SUSD4: variants seen among roughly 807,000 people sequenced by gnomAD.
The protein encoded by SUSD4 is sushi domain-containing protein 4.
A neutral mutation model predicts 50.5 loss-of-function variants in SUSD4; 41 were observed. That is an observed-to-expected ratio of 0.81 (90% CI 0.63 to 1.05). SUSD4 has a LOEUF of 1.05. Ranked by LOEUF, SUSD4 falls within the 50% of genes least tolerant of loss-of-function variation. The pLI, the probability that SUSD4 is intolerant of heterozygous loss-of-function variation, is 0.00. For synonymous variants in SUSD4, 257 were observed against 257.3 expected (o/e 1.00, Z 0.01); for missense variants, 580 against 634.7 (o/e 0.91, Z 0.93).
intron 2 of SUSD4, among the ~76,000 whole-genome samples, chr1:223,323,933 G>T (rs1666732347): frequency 6.6e-6 from 1 of 151,776 alleles, no homozygotes; most frequent in Non-Finnish European, 1.5e-5. Context: ...TAAAAAAAAA[G>T]AGACCTTAAC....
At chr1:223,282,527 T>C (rs1361453747) in intron 3 of SUSD4, among the ~76,000 whole-genome samples, 2 of 152,114 alleles carry the variant, frequency 1.3e-5, no homozygotes, top group Non-Finnish European at 2.9e-5. Context: ...GAATCCAACT[T>C]ACAAGGGATG....
chr1:223,353,053 A>T (rs1668454044), intron 2 of SUSD4, among the ~76,000 whole-genome samples: 2 of 152,168 alleles, frequency 1.3e-5, no homozygotes, highest in Admixed American at 6.5e-5. Flanking sequence ...ACACAAAAGG[A>T]GCTGACCGGG....
At position 223,363,753 on chromosome 1, in the gene SUSD4, G is replaced by A. The variant is rs373844571; in HGVS notation, c.-35-293C>T. On this transcript the variant is annotated intron_variant, in intron 1 of 8. Transcript: ENST00000366878. ...CGCCGGTCCCCGGGATTCAGCAGCT[G>A]TGCCCACCACAGGAAAGTCTAGAGC... 156 of 268,410 alleles carry A rather than the reference G, an allele frequency of 5.8e-4. 1 individual carries two copies. Among genetic ancestry groups the A allele is most frequent in the African/African-American group, 3.2e-3 (146 of 45,836 alleles). The allele number at this position is 268,410 out of a possible 1,614,324, so 16.6% of individuals were successfully genotyped here. A position where few individuals can be genotyped will look rare whatever the true frequency, so the allele number is the denominator to read the frequency against.
intron 3 of SUSD4, among the ~76,000 whole-genome samples, chr1:223,290,414 T>C (rs963698620): frequency 6.6e-6 from 1 of 152,216 alleles, no homozygotes; most frequent in Non-Finnish European, 1.5e-5. Flanking sequence ...TTTATACAGA[T>C]CTTTCAAAGA....
intron 2 of SUSD4, among the ~76,000 whole-genome samples, chr1:223,301,708 C>T (rs974946973): frequency 2.0e-5 from 3 of 152,134 alleles, no homozygotes; most frequent in South Asian, 2.1e-4. Flanking sequence ...GGAATCTTTC[C>T]GTCTCATGAG....
At chr1:223,301,829 T>C (rs1224153550) in intron 2 of SUSD4, among the ~76,000 whole-genome samples, 2 of 152,198 alleles carry the variant, frequency 1.3e-5, no homozygotes, top group Non-Finnish European at 2.9e-5. Context: ...TGAGGATCTG[T>C]TGATGAGGGG....
chr1:223,242,928 C>G (rs1660681278), intron 5 of SUSD4, among the ~76,000 whole-genome samples: 1 of 152,148 alleles, frequency 6.6e-6, no homozygotes, highest in African/African-American at 2.4e-5. Flanking sequence ...TCCTCACGTC[C>G]CACTTGTAGG....
At chr1:223,330,466 T>C (rs1667113135) in intron 2 of SUSD4, among the ~76,000 whole-genome samples, 1 of 152,166 alleles carries the variant, frequency 6.6e-6, no homozygotes, top group African/African-American at 2.4e-5. Flanking sequence ...CCTATTTTCA[T>C]CAAATTTTAA....
At chr1:223,235,025 C>A in intron 5 of SUSD4, 2 of 1,610,112 alleles carry the variant, frequency 1.2e-6, no homozygotes. Context: ...TAACACAGGG[C>A]AAAAATAAAG....
chr1:223,230,617 G>A (rs1230669348), intron 5 of SUSD4: 3 of 152,326 alleles, frequency 2.0e-5, no homozygotes, highest in South Asian at 2.1e-4. Flanking sequence ...GTCCCGATGC[G>A]TGTGAAGCAG....
At chr1:223,270,336 A>G (rs1469604984) in intron 3 of SUSD4, among the ~76,000 whole-genome samples, 1 of 152,106 alleles carries the variant, frequency 6.6e-6, no homozygotes, top group Non-Finnish European at 1.5e-5. Flanking sequence ...ACACCTGGCG[A>G]AAGAGTGCCG....
intron 3 of SUSD4, among the ~76,000 whole-genome samples, chr1:223,280,234 C>T (rs1300571033): frequency 6.6e-6 from 1 of 152,082 alleles, no homozygotes; most frequent in East Asian, 1.9e-4. Context: ...TCACACATAA[C>T]AATATTAACC....
chr1:223,227,760 T>A lies in SUSD4; in HGVS notation c.917-22A>T, dbSNP rs775089977. 98 of 1,593,194 alleles carry A rather than the reference T, an allele frequency of 6.2e-5. No individual in the cohort carries two copies. The highest frequency in any genetic ancestry group is 8.1e-5 in the Non-Finnish European group (95 of 1,166,768). ...TGCTCTGCATGAGGGAGAACAAAGC[T>A]GTACGTGAGGCTCCCAGACCATGAG... On this transcript the variant is annotated intron_variant, in intron 6 of 8. Transcript: ENST00000366878. This position sits in a 1 kb window ranked among gnomAD's most constrained non-coding sequence, Gnocchi z 4.5.
At chr1:223,247,386 G>C (rs1661011538) in intron 5 of SUSD4, among the ~76,000 whole-genome samples, 3 of 152,318 alleles carry the variant, frequency 2.0e-5, no homozygotes, top group Admixed American at 2.0e-4. Context: ...AGCCCACCCT[G>C]AAGCCAGCAG....
intron 2 of SUSD4, among the ~76,000 whole-genome samples, chr1:223,300,996 C>CT (rs1439882375): frequency 6.6e-6 from 1 of 152,188 alleles, no homozygotes; most frequent in African/African-American, 2.4e-5. Flanking sequence ...AAAAATCACT[C>CT]TAACAGCTAA....
chr1:223,297,142 G>A (rs1401005619), intron 2 of SUSD4, among the ~76,000 whole-genome samples: 3 of 152,178 alleles, frequency 2.0e-5, no homozygotes, highest in African/African-American at 7.2e-5. Flanking sequence ...TGAAGACAGA[G>A]AACACTGGGA....
intron 2 of SUSD4, among the ~76,000 whole-genome samples, chr1:223,334,413 G>C (rs1376470656): frequency 6.6e-6 from 1 of 152,024 alleles, no homozygotes; most frequent in Non-Finnish European, 1.5e-5. Flanking sequence ...AGAAAGAAAA[G>C]AGAAAAATGA....
chr1:223,289,882 T>C (rs1261848344), intron 3 of SUSD4, among the ~76,000 whole-genome samples: 1 of 152,158 alleles, frequency 6.6e-6, no homozygotes, highest in Non-Finnish European at 1.5e-5. Context: ...CTCAACCTTG[T>C]AGAGGAAAAA....
At chr1:223,235,000 G>T (rs1660119288) in intron 5 of SUSD4, 1 of 1,609,166 alleles carries the variant, frequency 6.2e-7, no homozygotes, top group East Asian at 2.2e-5. Flanking sequence ...TAGGTGCTGG[G>T]GTGGGAGAGG....
Sources: allele counts gnomAD v4.1 joint callset (sites outside exome capture counted in the v4.1 genomes callset), GRCh38; gene constraint gnomAD v4.1.1; non-coding constraint Gnocchi (gnomAD v3.1); transcripts MANE v1.5; gene names NCBI Gene and HGNC (gene_info 2026-07-23, HGNC 2026-07-21).